The following KIAA0753 variants were observed in gnomAD, a reference collection of about 807,000 sequenced individuals.
The protein encoded by KIAA0753 is KIAA0753, also known as protein moonraker.
In KIAA0753, 114 loss-of-function variants were observed where a neutral mutation model predicts 116.9. The ratio of observed to expected loss-of-function variants is 0.98; its 90% CI spans 0.84 to 1.14. The LOEUF (loss-of-function observed/expected upper bound fraction) is 1.14. Ranked by LOEUF, KIAA0753 falls within the 50% of genes most tolerant of loss-of-function variation. KIAA0753 has a pLI of 0.00. For missense variants in KIAA0753, 1,156 were observed against 1,172.4 expected (o/e 0.99, Z 0.20); for synonymous variants, 405 against 413.1 (o/e 0.98, Z 0.24).
intron 18 of KIAA0753, among the ~76,000 whole-genome samples, chr17:6,583,528 T>G (rs190447902): frequency 6.6e-6 from 1 of 152,278 alleles, no homozygotes; most frequent in African/African-American, 2.4e-5. Flanking sequence ...CCTCTCTTCT[T>G]CACTTTTCGT....
chr17:6,621,000 T>C lies in KIAA0753; in HGVS notation c.1105-2A>G. Reference sequence around the variant, plus strand: ...CTTTTCCAGGAGAGATTCCAAAGCCTGCCACAAAAACAATCAATTATTCTC... The same window carrying C: ...CTTTTCCAGGAGAGATTCCAAAGCCCGCCACAAAAACAATCAATTATTCTC... On this transcript the variant is annotated splice_acceptor_variant, in intron 6 of 18. Transcript: ENST00000361413. LOFTEE classifies it high-confidence loss of function. 1 of 1,612,198 alleles carries C rather than the reference T, an allele frequency of 6.2e-7. No homozygotes were observed. Among genetic ancestry groups the C allele is most frequent in the African/African-American group, 1.3e-5 (1 of 74,996 alleles).
chr17:6,621,930 T>G (rs1326852309), intron 6 of KIAA0753, among the ~76,000 whole-genome samples: 3 of 152,188 alleles, frequency 2.0e-5, no homozygotes, highest in Non-Finnish European at 4.4e-5. Context: ...TACACGAATG[T>G]AACCAATGAA....
chr17:6,633,513 T>C (rs1465565283), intron 2 of KIAA0753, among the ~76,000 whole-genome samples: 3 of 152,154 alleles, frequency 2.0e-5, no homozygotes, highest in African/African-American at 7.2e-5. Context: ...ACCTACCCCA[T>C]GACTCAGCAA....
rs1365364912 is a variant in KIAA0753, at chr17:6,579,124, CT to C, written c.*622del. The C allele has an allele frequency of 6.6e-6, 1 of 152,190 alleles. No homozygotes were observed. Among genetic ancestry groups the C allele is most frequent in the Non-Finnish European group, 1.5e-5 (1 of 68,036 alleles). 9.4% of individuals were successfully genotyped at this position (152,190 alleles called of 1,614,324 possible). A position where few individuals can be genotyped will look rare whatever the true frequency, so the allele number is the denominator to read the frequency against. On this transcript the variant is annotated 3_prime_UTR_variant, in exon 19 of 19. Coordinates refer to ENST00000361413, the MANE Select transcript of KIAA0753 (RefSeq NM_014804.3). ...GAGGAACTAAAAATGTGAAAATCAC[CT>C]AGGAATGGAACGTTGAAGAAATGTG...
At chr17:6,612,617 C>T (rs150931220) in intron 7 of KIAA0753, among the ~76,000 whole-genome samples, 3,139 of 152,278 alleles carry the variant, frequency 0.021, 105 homozygotes, top group African/African-American at 0.07. Flanking sequence ...CCTGAAATCC[C>T]AGCACTTTGG....
At chr17:6,590,373 A>C (rs1968904880) in intron 17 of KIAA0753, 137 bp downstream of exon 17, 1 of 952,590 alleles carries the variant, frequency 1.0e-6, no homozygotes, top group Admixed American at 2.3e-5. Context: ...CTATTTACTC[A>C]GCCATCTTGG....
chr17:6,628,290 T>A lies in KIAA0753; in HGVS notation c.545A>T (p.Gln182Leu). ...KVYLYSSHPG[Q>L]SDLTVPNSPP... ...CGAATTTGGCACAGTAAGATCTGAC[T>A]GGCCTGGATGAGATGAGTAAAGGTA... Residue 182 changes from glutamine (Q) to leucine (L), a missense_variant, in exon 3 of 19, where the codon CAG becomes CTG. Coordinates refer to ENST00000361413, the MANE Select transcript of KIAA0753 (RefSeq NM_014804.3). 3.7e-6 allele frequency: 6 copies of A among 1,614,176 alleles called. No individual in the cohort carries two copies. The highest frequency in any genetic ancestry group is 5.1e-6 in the Non-Finnish European group (6 of 1,180,030).
intron 18 of KIAA0753, among the ~76,000 whole-genome samples, chr17:6,588,428 A>G (rs1968740902): frequency 6.6e-6 from 1 of 152,174 alleles, no homozygotes. Flanking sequence ...AAGCCCCAGG[A>G]TGAAAACCAT....
At chr17:6,594,422 G>C (rs988117232) in intron 16 of KIAA0753, among the ~76,000 whole-genome samples, 2 of 152,112 alleles carry the variant, frequency 1.3e-5, no homozygotes, top group Non-Finnish European at 2.9e-5. Flanking sequence ...CATAAATATA[G>C]TATTTATAAA....
intron 6 of KIAA0753, among the ~76,000 whole-genome samples, chr17:6,622,229 T>C (rs1423679149): frequency 6.6e-6 from 1 of 152,228 alleles, no homozygotes; most frequent in Non-Finnish European, 1.5e-5. Context: ...ATCTCTCCGA[T>C]GTTTGCTTTT....
rs1458003063 is a variant in KIAA0753 at position 6,596,311 on chromosome 17, A to C, written c.2205T>G (p.Ile735Met). Residue 735 changes from isoleucine to methionine, a missense_variant, in exon 15 of 19, where the codon ATT becomes ATG. Transcript: ENST00000361413. Reference protein sequence around the residue: ...VAAVDFESNNIRQLDDFLEDC... With the variant: ...VAAVDFESNNMRQLDDFLEDC... ...CTTCCAAAAAATCATCAAGCTGACG[A>C]ATGTTGTTGGATTCAAAATCAACAG... The C allele has an allele frequency of 6.2e-7, 1 of 1,603,782 alleles. No homozygotes were observed. The highest frequency in any genetic ancestry group is 8.5e-7 in the Non-Finnish European group (1 of 1,173,944).
At chr17:6,636,936 T>G (rs904310806) in intron 1 of KIAA0753, 3 of 152,290 alleles carry the variant, frequency 2.0e-5, no homozygotes, top group African/African-American at 7.2e-5. Flanking sequence ...CCCTTGAAAC[T>G]GAGGGTACCC....
At chr17:6,613,549 G>A (rs1970689225) in intron 7 of KIAA0753, among the ~76,000 whole-genome samples, 1 of 152,116 alleles carries the variant, frequency 6.6e-6, no homozygotes, top group Non-Finnish European at 1.5e-5. Context: ...AAACATTAAA[G>A]GCAGTGTGGG....
chr17:6,625,021 C>T (rs1278863140), intron 3 of KIAA0753, among the ~76,000 whole-genome samples, 160 bp from the exon 4 acceptor site: 1 of 152,054 alleles, frequency 6.6e-6, no homozygotes, highest in Non-Finnish European at 1.5e-5. Context: ...TTTCATCAGC[C>T]AAGAAACCAG....
chr17:6,604,919 T>G (rs1197486481), intron 12 of KIAA0753, among the ~76,000 whole-genome samples: 2 of 151,978 alleles, frequency 1.3e-5, no homozygotes, highest in African/African-American at 2.4e-5. Flanking sequence ...TAAAGACATT[T>G]TCAGACTTGA....
At chr17:6,602,272 ACCC>A in intron 12 of KIAA0753, among the ~76,000 whole-genome samples, 1 of 152,356 alleles carries the variant, frequency 6.6e-6, no homozygotes, top group African/African-American at 2.4e-5. Flanking sequence ...CTAGGCATTT[ACCC>A]AAGAGAAATG....
rs1567540693 is a variant in KIAA0753 at position 6,591,055 on chromosome 17, A to AGAAGGAAGAAG, written c.2441-426_2441-425insCTTCTTCCTTC. Reference sequence around the variant, plus strand: ...GAAGGAAGAAGGAAGAAGAAGAAGAAGAAGAAGAAGAAGAAGAAGAAGAAG... The same window carrying AGAAGGAAGAAG: ...GAAGGAAGAAGGAAGAAGAAGAAGAAGAAGGAAGAAGGAAGAAGAAGAAGAAGAAGAAGAAG... On this transcript the variant is annotated intron_variant, in intron 16 of 18. Coordinates refer to ENST00000361413, the MANE Select transcript of KIAA0753 (RefSeq NM_014804.3). 5.1e-3 allele frequency among the ~76,000 whole-genome samples: 322 copies of AGAAGGAAGAAG among 63,242 alleles called. 3 individuals carry two copies. The highest frequency in any genetic ancestry group is 0.037 in the South Asian group (71 of 1,932). 41.5% of individuals were successfully genotyped at this position (63,242 alleles called of 152,430 possible). A position where few individuals can be genotyped will look rare whatever the true frequency, so the allele number is the denominator to read the frequency against.
intron 18 of KIAA0753, among the ~76,000 whole-genome samples, chr17:6,587,612 G>A (rs1567535178): frequency 1.3e-5 from 2 of 152,172 alleles, no homozygotes; most frequent in East Asian, 1.9e-4. Flanking sequence ...AGCAAGTCGC[G>A]TTTACTTCTT....
At chr17:6,622,574 C>T (rs758868988) in intron 6 of KIAA0753, among the ~76,000 whole-genome samples, 3 of 152,218 alleles carry the variant, frequency 2.0e-5, no homozygotes, top group Non-Finnish European at 4.4e-5. Context: ...CTTTTCTATG[C>T]TAATAAATTT....
Sources: allele counts gnomAD v4.1 joint callset (sites outside exome capture counted in the v4.1 genomes callset), GRCh38; gene constraint gnomAD v4.1.1; transcripts MANE v1.5; gene names NCBI Gene and HGNC (gene_info 2026-07-23, HGNC 2026-07-21).